GLDN: variants seen among roughly 807,000 people sequenced by gnomAD.
GLDN encodes gliomedin.
In GLDN, 47 loss-of-function variants were observed where a neutral mutation model predicts 56.5. The ratio of observed to expected loss-of-function variants is 0.83; its 90% CI spans 0.66 to 1.06. The LOEUF is 1.06. Ranked by LOEUF, GLDN falls within the 50% of genes least tolerant of loss-of-function variation. The pLI is 0.00. For missense variants in GLDN, 782 were observed against 714.3 expected (o/e 1.09, Z -1.08); for synonymous variants, 332 against 278.8 (o/e 1.19, Z -1.90).
intron 6 of GLDN, among the ~76,000 whole-genome samples, chr15:51,397,991 G>A (rs2038171551): frequency 6.6e-6 from 1 of 152,342 alleles, no homozygotes; most frequent in South Asian, 2.1e-4. Context: ...GATTGGTTAG[G>A]TCCTCACGAA....
chr15:51,406,315 G>C lies in GLDN; in HGVS notation c.*1561G>C, dbSNP rs1206915623. On this transcript the variant is annotated 3_prime_UTR_variant, in exon 10 of 10. Coordinates refer to ENST00000335449, the MANE Select transcript of GLDN (RefSeq NM_181789.4). Reference sequence around the variant, plus strand: ...TTTCAGCCCAGCGCTGCGGCCCCGGGAAGGGCCACTGCGAATAGAGAGGAA... The same window carrying C: ...TTTCAGCCCAGCGCTGCGGCCCCGGCAAGGGCCACTGCGAATAGAGAGGAA... The C allele has an allele frequency of 2.0e-5, 3 of 152,168 alleles. No homozygotes were observed. The highest frequency in any genetic ancestry group is 6.5e-5 in the Admixed American group (1 of 15,288). 9.4% of individuals were successfully genotyped at this position (152,168 alleles called of 1,614,324 possible).
downstream of GLDN, among the ~76,000 whole-genome samples, chr15:51,410,976 T>C (rs2038458757): frequency 6.6e-6 from 1 of 152,088 alleles, no homozygotes; most frequent in African/African-American, 2.4e-5. Context: ...GGACAAGGAA[T>C]TGGTCTAATT....
chr15:51,360,250 A>G (rs923775739), intron 1 of GLDN: 14 of 152,286 alleles, frequency 9.2e-5, no homozygotes, highest in African/African-American at 3.1e-4. Context: ...CAGACAGACG[A>G]ACTTCAAACT....
At chr15:51,343,002 G>A (rs374147160) in intron 1 of GLDN, among the ~76,000 whole-genome samples, 14 of 152,190 alleles carry the variant, frequency 9.2e-5, no homozygotes, top group African/African-American at 3.4e-4. Context: ...AATACTATTA[G>A]ATCACATTGC....
At chr15:51,389,475 T>C (rs886065198) in intron 4 of GLDN, among the ~76,000 whole-genome samples, 1 of 152,162 alleles carries the variant, frequency 6.6e-6, no homozygotes, top group African/African-American at 2.4e-5. Context: ...CTATACTTCA[T>C]AGGAGGCAAT....
intron 1 of GLDN, among the ~76,000 whole-genome samples, chr15:51,368,853 A>T (rs1566940625): frequency 6.6e-6 from 1 of 152,202 alleles, no homozygotes; most frequent in Non-Finnish European, 1.5e-5. Context: ...TGATAAGATG[A>T]AAAGCTTACT....
rs2038374732 is a variant in GLDN at position 51,406,072 on chromosome 15, A to C, written c.*1318A>C. The C allele has an allele frequency of 6.6e-6, 1 of 152,190 alleles. No homozygotes were observed. The highest frequency in any genetic ancestry group is 1.9e-4 in the East Asian group (1 of 5,200). The allele number at this position is 152,190 out of a possible 1,614,324, so 9.4% of individuals were successfully genotyped here. A position where few individuals can be genotyped will look rare whatever the true frequency, so the allele number is the denominator to read the frequency against. On this transcript the variant is annotated 3_prime_UTR_variant, in exon 10 of 10. Coordinates refer to ENST00000335449, the MANE Select transcript of GLDN (RefSeq NM_181789.4). ...GTTTTGTTCTAAACTAAGAAGCCGC[A>C]TAGGATGTGACTTGCGTTTTGAGTA...
At chr15:51,350,908 G>A (rs551181331) in intron 1 of GLDN, among the ~76,000 whole-genome samples, 2 of 152,302 alleles carry the variant, frequency 1.3e-5, no homozygotes, top group East Asian at 3.9e-4. Flanking sequence ...ACTATTAAAA[G>A]TCTCTGGTCT....
intron 1 of GLDN, among the ~76,000 whole-genome samples, chr15:51,345,533 A>T (rs1446663999): frequency 6.6e-6 from 1 of 152,272 alleles, no homozygotes; most frequent in Non-Finnish European, 1.5e-5. Context: ...AAGGCATTTG[A>T]TAAAATTTAA....
intron 2 of GLDN, among the ~76,000 whole-genome samples, chr15:51,381,732 T>G (rs1356941266): frequency 6.6e-6 from 1 of 152,050 alleles, no homozygotes; most frequent in Admixed American, 6.5e-5. Flanking sequence ...ATCCACAAGC[T>G]TGTCACTGAG....
chr15:51,375,814 G>A (rs541398120), intron 1 of GLDN, among the ~76,000 whole-genome samples: 2 of 152,262 alleles, frequency 1.3e-5, no homozygotes, highest in South Asian at 4.1e-4. Context: ...AGAGTTCCAA[G>A]AGGTTAAGTA....
At chr15:51,371,786 G>A (rs36064983) in intron 1 of GLDN, among the ~76,000 whole-genome samples, 46,338 of 152,030 alleles carry the variant, frequency 0.3, 7,759 homozygotes, top group East Asian at 0.45. Flanking sequence ...GGGTTCAAGC[G>A]AGTCTCCTGC....
At chr15:51,356,033 C>T (rs1168688759) in intron 1 of GLDN, among the ~76,000 whole-genome samples, 1 of 150,484 alleles carries the variant, frequency 6.6e-6, no homozygotes, top group Admixed American at 6.6e-5. Context: ...TGGTGAAACC[C>T]CGTCTCTACT....
chr15:51,375,066 C>A (rs2037602738), intron 1 of GLDN, among the ~76,000 whole-genome samples: 1 of 152,094 alleles, frequency 6.6e-6, no homozygotes, highest in Admixed American at 6.6e-5. Flanking sequence ...GAATATTTCA[C>A]AATAAGTTTC....
intron 1 of GLDN, among the ~76,000 whole-genome samples, chr15:51,375,972 G>A (rs1472965866): frequency 3.3e-5 from 5 of 152,108 alleles, no homozygotes; most frequent in Non-Finnish European, 4.4e-5. Flanking sequence ...CAATTCCCTC[G>A]TCATCCTCTG....
downstream of GLDN, among the ~76,000 whole-genome samples, chr15:51,409,060 G>A (rs1050798509): frequency 8.9e-6 from 1 of 111,736 alleles, no homozygotes; most frequent in Non-Finnish European, 1.9e-5. Context: ...AGAACAACAG[G>A]GGCTGCTATA....
At chr15:51,349,888 T>C (rs2141049223) in intron 1 of GLDN, among the ~76,000 whole-genome samples, 1 of 152,142 alleles carries the variant, frequency 6.6e-6, no homozygotes, top group East Asian at 1.9e-4. Flanking sequence ...TACAGGCGCT[T>C]GCCACCATGC....
At chr15:51,365,116 T>A (rs17647970) in intron 1 of GLDN, among the ~76,000 whole-genome samples, 45,320 of 152,140 alleles carry the variant, frequency 0.3, 7,555 homozygotes, top group East Asian at 0.46. Flanking sequence ...TATTAGAGTC[T>A]TGGTAGTTCA....
chr15:51,394,752 A>G (rs2038088204), intron 4 of GLDN, 83 bp from the exon 5 acceptor site: 1 of 1,437,094 alleles, frequency 7.0e-7, no homozygotes, highest in Non-Finnish European at 9.6e-7. Flanking sequence ...GCTTCCCTGG[A>G]AAGCACAAAG....
Sources: allele counts gnomAD v4.1 joint callset (sites outside exome capture counted in the v4.1 genomes callset), GRCh38; gene constraint gnomAD v4.1.1; transcripts MANE v1.5; gene names NCBI Gene and HGNC (gene_info 2026-07-23, HGNC 2026-07-21).